The following CUL2 variants were observed in gnomAD, a reference collection of about 807,000 sequenced individuals.
CUL2 encodes the protein cullin-2.
Under a neutral mutation model 110.2 loss-of-function variants are expected in CUL2, and 22 were observed. The observed-to-expected ratio is 0.20, with a 90% confidence interval of 0.14 to 0.28. The LOEUF (loss-of-function observed/expected upper bound fraction) is 0.28, where lower values mean the gene tolerates loss of function less well. Ranked by LOEUF, CUL2 falls within the 10% of genes least tolerant of loss-of-function variation. The pLI is 1.00. For missense variants in CUL2, 631 were observed against 905.5 expected (o/e 0.70, Z 3.89); for synonymous variants, 279 against 293.2 (o/e 0.95, Z 0.49).
chr10:35,033,050 T>C (rs907821910), intron 11 of CUL2, 116 bp downstream of exon 11: 2 of 469,526 alleles, frequency 4.3e-6, no homozygotes, highest in Admixed American at 7.7e-5. Flanking sequence ...CATATCAAAA[T>C]TACTTAATCT....
At chr10:35,091,539 C>A (rs1431140023), upstream of CUL2, among the ~76,000 whole-genome samples, 1 of 152,070 alleles carries the variant, frequency 6.6e-6, no homozygotes, top group Admixed American at 6.6e-5. Flanking sequence ...AAAGTGTGGT[C>A]CCCAGACCTC....
At chr10:35,123,569 G>C (rs1388219295) in intron 1 of CUL2, among the ~76,000 whole-genome samples, 1 of 152,180 alleles carries the variant, frequency 6.6e-6, no homozygotes, top group Non-Finnish European at 1.5e-5. Flanking sequence ...AACATAGCAG[G>C]CACTTCAAAA....
At chr10:35,076,354 T>C (rs1024476859) in intron 1 of CUL2, among the ~76,000 whole-genome samples, 2 of 152,146 alleles carry the variant, frequency 1.3e-5, no homozygotes, top group East Asian at 1.9e-4. Flanking sequence ...TCTGGGAATA[T>C]ACTAAAAACC....
intron 1 of CUL2, among the ~76,000 whole-genome samples, chr10:35,075,143 C>T (rs2086782750): frequency 6.6e-6 from 1 of 152,112 alleles, no homozygotes; most frequent in Admixed American, 6.6e-5. Context: ...AGTTACAATC[C>T]ATGCTTGGAT....
At chr10:35,068,357 G>C (rs1313071742) in intron 2 of CUL2, among the ~76,000 whole-genome samples, 1 of 152,140 alleles carries the variant, frequency 6.6e-6, no homozygotes, top group African/African-American at 2.4e-5. Flanking sequence ...GGGAGGTGGA[G>C]GCTGCAATGA....
intron 1 of CUL2, among the ~76,000 whole-genome samples, chr10:35,105,196 C>T (rs1018187568): frequency 3.4e-5 from 5 of 149,156 alleles, no homozygotes; most frequent in Admixed American, 6.7e-5. Context: ...GAGGCCGAGG[C>T]GGGCGGATCA....
intron 6 of CUL2, 135 bp downstream of exon 6, chr10:35,049,548 T>C: frequency 1.8e-6 from 1 of 549,450 alleles, no homozygotes; most frequent in Non-Finnish European, 3.2e-6. Flanking sequence ...AATGCTGGCA[T>C]TGGAAGTAAA....
At chr10:35,074,999 A>G (rs2086778360) in intron 1 of CUL2, among the ~76,000 whole-genome samples, 1 of 152,212 alleles carries the variant, frequency 6.6e-6, no homozygotes, top group Non-Finnish European at 1.5e-5. Context: ...CTCCTCTTAT[A>G]AAATGGAATC....
intron 2 of CUL2, chr10:35,063,894 G>C (rs908017121): frequency 2.6e-5 from 4 of 152,036 alleles, no homozygotes; most frequent in South Asian, 4.1e-4. Flanking sequence ...CACGGTATTA[G>C]ATTATGATTC....
intron 2 of CUL2, among the ~76,000 whole-genome samples, chr10:35,068,205 T>C (rs998457305): frequency 6.7e-6 from 1 of 150,270 alleles, no homozygotes; most frequent in Admixed American, 6.6e-5. Context: ...ATGGAACACA[T>C]GAGCCCAGGG....
chr10:35,074,665 T>C (rs1333945012), intron 1 of CUL2, among the ~76,000 whole-genome samples: 1 of 152,194 alleles, frequency 6.6e-6, no homozygotes, highest in Non-Finnish European at 1.5e-5. Context: ...TTTGTATTGT[T>C]AATAGAGACA....
chr10:35,075,305 G>C (rs895766651), intron 1 of CUL2, among the ~76,000 whole-genome samples: 2 of 152,074 alleles, frequency 1.3e-5, no homozygotes, highest in African/African-American at 4.8e-5. Flanking sequence ...GGAAAATTAA[G>C]TTTCTTAAAA....
Position 35,103,146 on chromosome 10 carries a change from T to A in CUL2, c.-50-2086A>T, listed in dbSNP as rs556156529. On this transcript the variant is annotated intron_variant, in intron 1 of 5. Coordinates refer to the CUL2 transcript ENST00000685421. ...CCCAAATCTACTTGACTCAAAAAAA[T>A]TTTTTTTTGTTTTTGAGACAGAGTC... is the stretch of plus-strand genomic sequence containing the variant. 4.0e-5 allele frequency among the ~76,000 whole-genome samples: 6 copies of A among 151,114 alleles called. No individual in the cohort carries two copies. In the South Asian group the frequency reaches 6.3e-4, roughly 16 times the overall value.
chr10:35,040,399 G>C (rs981635570), intron 8 of CUL2, among the ~76,000 whole-genome samples: 2 of 152,204 alleles, frequency 1.3e-5, no homozygotes, highest in Non-Finnish European at 2.9e-5. Context: ...AAACACTCTG[G>C]AACATAAAGC....
rs1430846660 is a variant in CUL2, at chr10:35,071,624, G to C, written c.-22-285C>G. Among the ~76,000 whole-genome samples the C allele has an allele frequency of 2.6e-5, 4 of 152,246 alleles. No homozygotes were observed. In the East Asian group the frequency reaches 7.7e-4, roughly 29 times the overall value. On this transcript the variant is annotated intron_variant, in intron 1 of 20. Transcript: ENST00000374749. ...GGGGTTTCACTGTGTTAGCCAGGAT[G>C]GTCTTGATCTCCTGACCTCGTGATC...
chr10:35,037,228 T>C (rs921518921), intron 9 of CUL2, among the ~76,000 whole-genome samples: 2 of 152,222 alleles, frequency 1.3e-5, no homozygotes, highest in African/African-American at 4.8e-5. Flanking sequence ...TCAAATTTCA[T>C]TTTCTTCTGA....
chr10:35,075,418 G>A (rs1163820832), intron 1 of CUL2, among the ~76,000 whole-genome samples: 1 of 152,168 alleles, frequency 6.6e-6, no homozygotes, highest in Admixed American at 6.5e-5. Context: ...CCCCCAAGCT[G>A]TCAAACAACT....
chr10:35,028,872 G>C lies in CUL2; in HGVS notation c.1555C>G (p.Leu519Val), dbSNP rs1327218075. ...IYVLQAGAWP[L>V]TQAPSSTFAI... is the part of the protein sequence containing the mutation. ...AACGTAGATGAAGGAGCCTGAGTAAGAGGCCACGCACCAGCCTAGAAGGAA... is the reference window on the plus strand; with the variant it reads ...AACGTAGATGAAGGAGCCTGAGTAACAGGCCACGCACCAGCCTAGAAGGAA... Residue 519 changes from leucine to valine, a missense_variant, in exon 16 of 21, where the codon CTT becomes GTT. Leu to Val is a conservative substitution (Grantham distance 32). This residue lies in a region of CUL2 where 134 missense variants were observed against 260.4 expected (regional missense o/e 0.51). Transcript: ENST00000374749. 1.2e-6 allele frequency: 2 copies of C among 1,609,926 alleles called. No individual in the cohort carries two copies. Among genetic ancestry groups the C allele is most frequent in the East Asian group, 2.2e-5 (1 of 44,802 alleles).
intron 2 of CUL2, among the ~76,000 whole-genome samples, chr10:35,065,938 A>AT (rs915342685): frequency 1.2e-4 from 18 of 152,320 alleles, no homozygotes; most frequent in African/African-American, 4.1e-4. Context: ...TTCCTAAGTC[A>AT]TTTTTTAGGG....
Sources: gnomAD v4.1 joint callset for allele counts (sites outside exome capture counted in the v4.1 genomes callset) on GRCh38, gnomAD v4.1.1 for gene constraint, gnomAD v4.1.1 regional missense constraint, MANE v1.5 for transcripts, NCBI Gene and HGNC (gene_info 2026-07-23, HGNC 2026-07-21) for gene names.